KY: variants seen among roughly 807,000 people sequenced by gnomAD.
The protein encoded by KY is kyphoscoliosis peptidase.
KY carries 43 observed loss-of-function variants against 76.1 expected under a neutral mutation model. The ratio of observed to expected loss-of-function variants is 0.57; its 90% confidence interval spans 0.44 to 0.73. The LOEUF is 0.73. Ranked by LOEUF, KY falls within the 30% of genes least tolerant of loss-of-function variation. The probability of loss-of-function intolerance (pLI) is 0.00; values close to 1 mark genes in which losing one functional copy is unlikely to be tolerated. For missense variants in KY, 722 were observed against 828.9 expected (o/e 0.87, Z 1.58); for synonymous variants, 277 against 326.2 (o/e 0.85, Z 1.63).
Position 134,623,370 on chromosome 3 carries a change from C to A in KY, c.483+1683G>T, listed in dbSNP as rs1962955646. Reference sequence around the variant, plus strand: ...TTCACAGGTAATGGCCTGGCCTCCACTTCACGGCAGGCCAGGTGGGACTTC... The same window carrying A: ...TTCACAGGTAATGGCCTGGCCTCCAATTCACGGCAGGCCAGGTGGGACTTC... On this transcript the variant is annotated intron_variant, in intron 6 of 10. Transcript: ENST00000423778. 2.0e-5 allele frequency among the ~76,000 whole-genome samples: 3 copies of A among 152,332 alleles called. No individual in the cohort carries two copies. In the South Asian group the frequency reaches 6.2e-4, roughly 32 times the overall value.
chr3:134,609,864 GA>G (rs1377084966), intron 9 of KY, among the ~76,000 whole-genome samples: 1 of 152,226 alleles, frequency 6.6e-6, no homozygotes, highest in East Asian at 1.9e-4. Context: ...GTCTGGAAGG[GA>G]ACCTGCCAAC....
At chr3:134,635,914 C>T (rs999279426) in intron 3 of KY, among the ~76,000 whole-genome samples, 19 of 152,158 alleles carry the variant, frequency 1.2e-4, no homozygotes, top group Admixed American at 6.5e-5. Flanking sequence ...TCATAACCTG[C>T]TTTCTTCATT....
rs1245448721 is a variant in KY at position 134,625,135 on chromosome 3, G to A, written c.401C>T (p.Ala134Val). ...CAGGCTAGATCGATCCCAGGGGTAGGCTGGAAACACAGGGCACCTTGGTCA... is the reference window on the plus strand; with the variant it reads ...CAGGCTAGATCGATCCCAGGGGTAGACTGGAAACACAGGGCACCTTGGTCA... ...PRQPGGKDAH[A>V]YPWDRSSLKS... The change falls in exon 6 of 11, where the codon GCC becomes GTC. Residue 134 changes from alanine to valine, a missense_variant and splice_region_variant. By Grantham distance (64) the Ala-to-Val change is moderately conservative. This residue lies in a region of KY where 552 missense variants were observed against 680.9 expected (regional missense o/e 0.81). Transcript: ENST00000423778. 3.8e-6 allele frequency: 6 copies of A among 1,594,076 alleles called. No individual in the cohort carries two copies. In the South Asian group the frequency reaches 4.6e-5, roughly 12 times the overall value.
At chr3:134,633,708 C>A (rs1444659514) in intron 3 of KY, among the ~76,000 whole-genome samples, 1 of 152,048 alleles carries the variant, frequency 6.6e-6, no homozygotes, top group Admixed American at 6.5e-5. Flanking sequence ...TCATAGATAT[C>A]CACTCTCACT....
intron 10 of KY, among the ~76,000 whole-genome samples, chr3:134,606,502 C>T (rs1047750158): frequency 3.3e-5 from 5 of 152,212 alleles, no homozygotes; most frequent in Non-Finnish European, 4.4e-5. Flanking sequence ...GCAGCCCACC[C>T]GGACCCCTCA....
intron 1 of KY, among the ~76,000 whole-genome samples, chr3:134,648,913 C>T (rs935338119): frequency 3.3e-5 from 5 of 152,138 alleles, no homozygotes; most frequent in Non-Finnish European, 7.4e-5. Flanking sequence ...GGAGGAGATA[C>T]CTGGAAGTGA....
Position 134,625,469 on chromosome 3 carries a change from T to C in KY, c.401-334A>G, listed in dbSNP as rs558571515. 1.3e-4 allele frequency among the ~76,000 whole-genome samples: 20 copies of C among 152,372 alleles called. 1 individual carries two copies. The highest frequency in any genetic ancestry group is 4.6e-4 in the African/African-American group (19 of 41,596). The stretch of plus-strand genomic sequence containing the variant: ...CATATTGATGATGGAATCTTCTTTT[T>C]CCCACCATTTGGTTTTCCGTGGATT... On this transcript the variant is annotated intron_variant, in intron 5 of 10. Coordinates refer to ENST00000423778, the MANE Select transcript of KY (RefSeq NM_178554.6).
At chr3:134,629,905 C>T (rs1396552774) in intron 3 of KY, among the ~76,000 whole-genome samples, 1 of 152,158 alleles carries the variant, frequency 6.6e-6, no homozygotes, top group Non-Finnish European at 1.5e-5. Context: ...GCACACTCAG[C>T]CCTGTCTCTC....
intron 5 of KY, among the ~76,000 whole-genome samples, chr3:134,627,047 A>C (rs977577684): frequency 2.0e-5 from 3 of 152,190 alleles, no homozygotes; most frequent in Non-Finnish European, 4.4e-5. Context: ...TAAAGGTGGC[A>C]TTTCTGAAAT....
intron 2 of KY, among the ~76,000 whole-genome samples, chr3:134,643,870 A>C (rs1269205621): frequency 1.4e-5 from 2 of 139,560 alleles, no homozygotes; most frequent in South Asian, 4.5e-4. Context: ...TCTGTCACCC[A>C]GGGTGAAGTG....
At chr3:134,606,528 C>T (rs1013852526) in intron 10 of KY, among the ~76,000 whole-genome samples, 10 of 152,194 alleles carry the variant, frequency 6.6e-5, no homozygotes, top group African/African-American at 2.4e-4. Flanking sequence ...GGCTGAGTTC[C>T]CTGGCAGCTT....
Position 134,625,044 on chromosome 3 carries a change from C to G in KY, c.483+9G>C, listed in dbSNP as rs1197917272. On this transcript the variant is annotated intron_variant, in intron 6 of 10. Coordinates refer to ENST00000423778, the MANE Select transcript of KY (RefSeq NM_178554.6). ...AGGGGCCCATGGTCAGAGCGGCCAGCTGTCCTACCTGTGAGGCGTAGATAT... is the reference window on the plus strand; with the variant it reads ...AGGGGCCCATGGTCAGAGCGGCCAGGTGTCCTACCTGTGAGGCGTAGATAT... The G allele has an allele frequency of 1.9e-6, 3 of 1,587,144 alleles. No homozygotes were observed. The highest frequency in any genetic ancestry group is 1.7e-4 in the Middle Eastern group (1 of 6,012).
In KY at chr3:134,606,883, C is replaced by A. The variant is rs1959274584; in HGVS notation, c.1090+1766G>T. 3.1e-6 allele frequency: 3 copies of A among 979,896 alleles called. No individual in the cohort carries two copies. The African/African-American group carries it at 5.3e-5, about 17-fold the overall frequency. The allele number at this position is 979,896 out of a possible 1,614,324, so 60.7% of individuals were successfully genotyped here. On this transcript the variant is annotated intron_variant, in intron 10 of 10. Coordinates refer to ENST00000423778, the MANE Select transcript of KY (RefSeq NM_178554.6). ...GCCTGGCAGCTTTCCAGCCCCTTAT[C>A]TAGGTGCCCTCTTCCTTCCCTTCCT... is the stretch of plus-strand genomic sequence containing the variant.
chr3:134,605,019 CA>C (rs985383640), intron 10 of KY, among the ~76,000 whole-genome samples: 9 of 152,190 alleles, frequency 5.9e-5, no homozygotes, highest in African/African-American at 2.2e-4. Flanking sequence ...CCACCTCCCC[CA>C]CCCCATGCTT....
Position 134,622,606 on chromosome 3 carries a change from G to A in KY, c.484-1749C>T, listed in dbSNP as rs546179841. Among the ~76,000 whole-genome samples the A allele has an allele frequency of 9.2e-5, 14 of 152,322 alleles. 1 individual carries two copies. Among genetic ancestry groups the A allele is most frequent in the African/African-American group, 3.4e-4 (14 of 41,574 alleles). ...AATGGGTAGAGTTTCTGTTTTGGGTGATGAGAATACAACATTGTGAATATA... is the reference window on the plus strand; with the variant it reads ...AATGGGTAGAGTTTCTGTTTTGGGTAATGAGAATACAACATTGTGAATATA... On this transcript the variant is annotated intron_variant, in intron 6 of 10. Coordinates refer to ENST00000423778, the MANE Select transcript of KY (RefSeq NM_178554.6).
intron 8 of KY, among the ~76,000 whole-genome samples, chr3:134,612,223 G>A (rs1313536188): frequency 6.6e-6 from 1 of 152,192 alleles, no homozygotes; most frequent in Non-Finnish European, 1.5e-5. Context: ...TACCAGCTTG[G>A]CTCTGTGGGA....
intron 6 of KY, among the ~76,000 whole-genome samples, chr3:134,624,209 TAG>T (rs1963110458): frequency 1.3e-5 from 2 of 152,192 alleles, no homozygotes; most frequent in Admixed American, 6.5e-5. Flanking sequence ...CCACTGGTGT[TAG>T]AGTTCTTCCC....
chr3:134,641,592 C>T (rs1020600679), intron 3 of KY, among the ~76,000 whole-genome samples: 4 of 152,056 alleles, frequency 2.6e-5, no homozygotes, highest in African/African-American at 7.2e-5. Flanking sequence ...GACTTTAGCC[C>T]GGTGAAACAG....
rs371785765 is a variant in KY at position 134,608,674 on chromosome 3, G to C, written c.1065C>G (p.His355Gln). The change falls in exon 10 of 11, where the codon CAC (histidine) becomes CAG (glutamine). Residue 355 changes from histidine (H) to glutamine (Q), a missense_variant. Coordinates refer to ENST00000423778, the MANE Select transcript of KY (RefSeq NM_178554.6). ...CTGTTCTGATCATGGAAGTCTCTGG[G>C]TGGGCACTCAGCATCCCTTTGTTGT... ...EFYNKGMLSA[H>Q]PETSMIRTVN... 7 of 1,613,944 alleles carry C rather than the reference G, an allele frequency of 4.3e-6. No homozygotes were observed. In the African/African-American group the frequency reaches 9.3e-5, roughly 22 times the overall value.
Sources: gnomAD v4.1 joint callset for allele counts (sites outside exome capture counted in the v4.1 genomes callset) on GRCh38, gnomAD v4.1.1 for gene constraint, gnomAD v4.1.1 regional missense constraint, MANE v1.5 for transcripts, NCBI Gene and HGNC (gene_info 2026-07-23, HGNC 2026-07-21) for gene names.